The following GALNTL6 variants were observed in gnomAD, a reference collection of about 807,000 sequenced individuals.
The protein encoded by GALNTL6 is polypeptide N-acetylgalactosaminyltransferase-like 6.
GALNTL6 carries 46 observed loss-of-function variants against 73.7 expected under a neutral mutation model. The ratio of observed to expected loss-of-function variants is 0.62; its 90% confidence interval spans 0.49 to 0.80. The LOEUF is 0.80. Among genes scored for constraint, GALNTL6 ranks in the 30% least tolerant of loss-of-function variants. GALNTL6 has a pLI of 0.00. For synonymous variants in GALNTL6, 259 were observed against 263.7 expected, an observed-to-expected ratio of 0.98 and a Z score of 0.17; for missense variants, 604 against 755.0, an observed-to-expected ratio of 0.80 and a Z score of 2.34.
At chr4:172,181,294 G>C (rs1735235238) in intron 2 of GALNTL6, among the ~76,000 whole-genome samples, 1 of 152,038 alleles carries the variant, frequency 6.6e-6, no homozygotes. Flanking sequence ...TTCATCCCTG[G>C]GATGCAAGGT....
rs1196306663 is a variant in GALNTL6, at chr4:172,013,799, A to C, written c.138+199081A>C. ...GTTGTGACATGAAATACTAGGTCTT[A>C]TTCATTCTTCTAACTATTTTTTGGA... On this transcript the variant is annotated intron_variant, in intron 2 of 12. Coordinates refer to ENST00000506823, the MANE Select transcript of GALNTL6 (RefSeq NM_001034845.3). Among the ~76,000 whole-genome samples, 5 of 152,018 alleles carry C rather than the reference A, an allele frequency of 3.3e-5. 1 individual carries two copies. The South Asian group carries it at 1.0e-3, about 31-fold the overall frequency.
intron 2 of GALNTL6, among the ~76,000 whole-genome samples, chr4:172,216,119 C>A (rs1246496123): frequency 1.3e-5 from 2 of 152,072 alleles, no homozygotes; most frequent in Non-Finnish European, 2.9e-5. Context: ...ATATTATCTT[C>A]ATTTATTCAT....
intron 2 of GALNTL6, among the ~76,000 whole-genome samples, chr4:172,092,294 C>T (rs1732228125): frequency 6.6e-6 from 1 of 152,040 alleles, no homozygotes; most frequent in South Asian, 2.1e-4. Context: ...TATACCAAGG[C>T]ATATCAAAAT....
intron 3 of GALNTL6, among the ~76,000 whole-genome samples, chr4:172,269,394 T>C (rs930195881): frequency 6.6e-6 from 1 of 152,206 alleles, no homozygotes; most frequent in Non-Finnish European, 1.5e-5. Context: ...ACTGCACTTC[T>C]GCACTTTGCT....
chr4:171,881,181 G>C (rs560867927), intron 2 of GALNTL6, among the ~76,000 whole-genome samples: 1 of 152,090 alleles, frequency 6.6e-6, no homozygotes, highest in Non-Finnish European at 1.5e-5. Flanking sequence ...ATCAGAAGAC[G>C]GAATCCAATA....
intron 5 of GALNTL6, among the ~76,000 whole-genome samples, chr4:172,472,085 C>A (rs913261513): frequency 2.0e-5 from 3 of 152,118 alleles, no homozygotes; most frequent in Non-Finnish European, 4.4e-5. Context: ...TATGCTATTG[C>A]AAATTCATAG....
At chr4:172,551,764 A>T (rs1036379521) in intron 5 of GALNTL6, among the ~76,000 whole-genome samples, 4 of 152,130 alleles carry the variant, frequency 2.6e-5, no homozygotes, top group African/African-American at 7.2e-5. Context: ...TCTTTCTTTT[A>T]ACATTGTAAT....
chr4:172,977,643 T>C (rs1282830087), intron 10 of GALNTL6, among the ~76,000 whole-genome samples: 2 of 152,080 alleles, frequency 1.3e-5, no homozygotes, highest in African/African-American at 2.4e-5. Context: ...GGCAGGCTGC[T>C]GGTAAGGATG....
intron 12 of GALNTL6, among the ~76,000 whole-genome samples, chr4:173,034,964 G>A (rs921097044): frequency 6.6e-6 from 1 of 151,960 alleles, no homozygotes; most frequent in African/African-American, 2.4e-5. Context: ...TGTTGAATAA[G>A]TTGAATGCAT....
At chr4:172,619,889 G>C (rs1024359971) in intron 5 of GALNTL6, among the ~76,000 whole-genome samples, 2 of 152,054 alleles carry the variant, frequency 1.3e-5, no homozygotes, top group Admixed American at 1.3e-4. Context: ...TTTCTTCAAA[G>C]GCCTATGTCA....
At chr4:171,975,307 A>G (rs1319990128) in intron 2 of GALNTL6, among the ~76,000 whole-genome samples, 1 of 152,178 alleles carries the variant, frequency 6.6e-6, no homozygotes, top group Non-Finnish European at 1.5e-5. Context: ...CCCAAGTGTG[A>G]TGCTCTACCC....
intron 5 of GALNTL6, among the ~76,000 whole-genome samples, chr4:172,551,719 C>G (rs1363493013): frequency 2.0e-5 from 3 of 152,116 alleles, no homozygotes; most frequent in Non-Finnish European, 4.4e-5. Flanking sequence ...ATACTACCAA[C>G]ATAAACTAGC....
At chr4:172,734,634 G>A (rs1736346705) in intron 5 of GALNTL6, among the ~76,000 whole-genome samples, 1 of 152,188 alleles carries the variant, frequency 6.6e-6, no homozygotes, top group Non-Finnish European at 1.5e-5. Flanking sequence ...GGCTTTGCAG[G>A]ATACAGAGCA....
At chr4:172,457,701 T>G (rs1311621818) in intron 5 of GALNTL6, among the ~76,000 whole-genome samples, 1 of 152,180 alleles carries the variant, frequency 6.6e-6, no homozygotes, top group Non-Finnish European at 1.5e-5. Context: ...GCACCCAGAT[T>G]CATAAAGCAA....
At chr4:172,336,336 T>G (rs1006173937) in intron 4 of GALNTL6, among the ~76,000 whole-genome samples, 1 of 131,346 alleles carries the variant, frequency 7.6e-6, no homozygotes, top group Non-Finnish European at 1.6e-5. Context: ...AGTGACTCCA[T>G]CTCGGCTCAC....
At chr4:172,040,038 T>C (rs1346535807) in intron 2 of GALNTL6, among the ~76,000 whole-genome samples, 1 of 152,122 alleles carries the variant, frequency 6.6e-6, no homozygotes, top group Non-Finnish European at 1.5e-5. Flanking sequence ...AAACATATGC[T>C]TATGAAATAG....
chr4:172,308,003 C>CTTTTTTTTTTTTTT (rs70941399), intron 3 of GALNTL6, among the ~76,000 whole-genome samples: 9 of 34,586 alleles, frequency 2.6e-4, no homozygotes, highest in African/African-American at 8.2e-4. Flanking sequence ...TGTGTTTTAA[C>CTTTTTTTTTTTTTT]TTTTTTTTTT....
chr4:172,994,156 A>G (rs1751669842), intron 10 of GALNTL6, among the ~76,000 whole-genome samples: 1 of 152,208 alleles, frequency 6.6e-6, no homozygotes, highest in African/African-American at 2.4e-5. Flanking sequence ...TCAGATTACT[A>G]CAATAACTGT....
chr4:172,429,105 A>G (rs1731335959), intron 5 of GALNTL6, among the ~76,000 whole-genome samples: 1 of 151,890 alleles, frequency 6.6e-6, no homozygotes, highest in Non-Finnish European at 1.5e-5. Context: ...AACTAATCCT[A>G]TTCATGAAGG....
Sources: allele counts gnomAD v4.1 joint callset (sites outside exome capture counted in the v4.1 genomes callset), GRCh38; gene constraint gnomAD v4.1.1; transcripts MANE v1.5; gene names NCBI Gene and HGNC (gene_info 2026-07-23, HGNC 2026-07-21).